The following NFIA variants were observed in gnomAD, a reference collection of about 807,000 sequenced individuals.
NFIA encodes nuclear factor 1 A-type.
In NFIA, 8 loss-of-function variants were observed where a neutral mutation model predicts 62.8. That is an observed-to-expected ratio of 0.13 (90% CI 0.07 to 0.23). The LOEUF (loss-of-function observed/expected upper bound fraction) is 0.23. Among genes scored for constraint, NFIA ranks in the 10% least tolerant of loss-of-function variants. The pLI is 1.00. For missense variants in NFIA, 410 were observed against 642.1 expected (o/e 0.64, Z 3.91); for synonymous variants, 235 against 238.1 (o/e 0.99, Z 0.12).
intron 2 of NFIA, among the ~76,000 whole-genome samples, chr1:61,175,138 A>G (rs891249823): frequency 4.6e-5 from 7 of 151,364 alleles, no homozygotes; most frequent in Non-Finnish European, 8.8e-5. Context: ...GATTATTATT[A>G]TTATTATTAT....
chr1:61,456,778 A>G lies in NFIA; in HGVS notation c.*1458A>G, dbSNP rs942864134. 3.8e-4 allele frequency: 57 copies of G among 149,480 alleles called. 1 individual carries two copies. Among genetic ancestry groups the G allele is most frequent in the African/African-American group, 1.4e-3 (56 of 40,608 alleles). The allele number at this position is 149,480 out of a possible 1,614,324, so 9.3% of individuals were successfully genotyped here. On this transcript the variant is annotated 3_prime_UTR_variant, in exon 11 of 11. Coordinates refer to ENST00000403491, the MANE Select transcript of NFIA (RefSeq NM_001134673.4). ...AAAAAAAAAAAAGTTTGCACCCCCA[A>G]ACGTCCTGTATCTTATGAAAAAAAA...
chr1:61,330,437 C>CA lies in NFIA; in HGVS notation c.626-2075_626-2074insA, dbSNP rs372893731. The stretch of plus-strand genomic sequence containing the variant: ...TAAAATAACTTAGGAAATAGATACA[C>CA]CCCCCCCACACACACACACACACGC... On this transcript the variant is annotated intron_variant, in intron 3 of 10. Coordinates refer to ENST00000403491, the MANE Select transcript of NFIA (RefSeq NM_001134673.4). Among the ~76,000 whole-genome samples, 36 of 54,994 alleles carry CA rather than the reference C, an allele frequency of 6.5e-4. 1 individual carries two copies. The highest frequency in any genetic ancestry group is 2.2e-3 in the African/African-American group (30 of 13,630). The allele number at this position is 54,994 out of a possible 152,430, so 36.1% of individuals were successfully genotyped here. A position where few individuals can be genotyped will look rare whatever the true frequency, so the allele number is the denominator to read the frequency against.
At chr1:61,198,704 C>G (rs1373211500) in intron 2 of NFIA, among the ~76,000 whole-genome samples, 1 of 152,150 alleles carries the variant, frequency 6.6e-6, no homozygotes, top group African/African-American at 2.4e-5. Context: ...AGAGCACTTT[C>G]CAGGCATGCT....
intron 2 of NFIA, among the ~76,000 whole-genome samples, chr1:61,195,171 G>A (rs1651906065): frequency 6.6e-6 from 1 of 152,042 alleles, no homozygotes; most frequent in African/African-American, 2.4e-5. Flanking sequence ...ACAGTTGCAG[G>A]GATTCTTGGT....
At chr1:61,123,002 T>C (rs1041160478) in intron 2 of NFIA, among the ~76,000 whole-genome samples, 1 of 152,236 alleles carries the variant, frequency 6.6e-6, no homozygotes, top group African/African-American at 2.4e-5. Context: ...TTTTGGATTC[T>C]TCTAGAGAGA....
intron 7 of NFIA, among the ~76,000 whole-genome samples, chr1:61,390,463 TTC>T (rs940613855): frequency 2.0e-5 from 3 of 152,140 alleles, no homozygotes; most frequent in African/African-American, 7.2e-5. Flanking sequence ...TCATTCCAGT[TTC>T]TGTTTGGAGA....
chr1:61,115,892 A>C (rs1440922338), intron 2 of NFIA, among the ~76,000 whole-genome samples: 1 of 152,126 alleles, frequency 6.6e-6, no homozygotes, highest in Non-Finnish European at 1.5e-5. Context: ...TAAAGTATGA[A>C]ACTTTTGAAA....
chr1:61,084,862 CT>C (rs910398402), intron 1 of NFIA, among the ~76,000 whole-genome samples: 1 of 144,876 alleles, frequency 6.9e-6, no homozygotes, highest in East Asian at 2.0e-4. Context: ...TTTTTTTTTT[CT>C]TTTTTTTTCG....
intron 7 of NFIA, among the ~76,000 whole-genome samples, chr1:61,388,682 A>T (rs1246617268): frequency 6.6e-6 from 1 of 152,246 alleles, no homozygotes; most frequent in Admixed American, 6.5e-5. Context: ...ATTGAAAGTA[A>T]TTGAAAGAGT....
In NFIA at chr1:61,404,115, G is replaced by GCAACAC. The variant is rs1484769863; in HGVS notation, c.1090_1095dup (p.Thr364_Pro365dup). ...TTCTTTTCCTGCAGCAAGTCCGCAT[G>GCAACAC]CAACACCATCGACTCTTCATTTCCC... is the stretch of plus-strand genomic sequence containing the variant. On this transcript the variant is annotated inframe_insertion, in exon 8 of 11. Transcript: ENST00000403491. The GCAACAC allele has an allele frequency of 1.2e-6, 2 of 1,613,896 alleles. No homozygotes were observed. Among genetic ancestry groups the GCAACAC allele is most frequent in the East Asian group, 4.5e-5 (2 of 44,880 alleles).
At chr1:61,433,300 G>C (rs1257649104) in intron 10 of NFIA, among the ~76,000 whole-genome samples, 1 of 152,146 alleles carries the variant, frequency 6.6e-6, no homozygotes, top group Non-Finnish European at 1.5e-5. Flanking sequence ...CTTTACTAAT[G>C]ATATTAGTCT....
chr1:61,088,120 T>TA lies in NFIA; in HGVS notation c.28-28dup. The TA allele has an allele frequency of 6.4e-7, 1 of 1,558,516 alleles. No homozygotes were observed. The highest frequency in any genetic ancestry group is 8.6e-7 in the Non-Finnish European group (1 of 1,157,100). On this transcript the variant is annotated intron_variant, in intron 1 of 10. Transcript: ENST00000403491. The surrounding 1 kb of genome is among the most constrained non-coding windows in gnomAD (Gnocchi z 4.5). The stretch of plus-strand genomic sequence containing the variant: ...TGTTTTCTTTTGTTTTCATTCTACT[T>TA]ATATTTTTCTTTTTGTTCATTTTCC...
At chr1:61,431,594 C>T (rs1667098488) in intron 10 of NFIA, among the ~76,000 whole-genome samples, 1 of 152,244 alleles carries the variant, frequency 6.6e-6, no homozygotes, top group Non-Finnish European at 1.5e-5. Context: ...ATAACCTTTG[C>T]TTAATAAATC....
At chr1:61,212,193 T>C (rs1447925317) in intron 2 of NFIA, among the ~76,000 whole-genome samples, 1 of 152,104 alleles carries the variant, frequency 6.6e-6, no homozygotes, top group African/African-American at 2.4e-5. Context: ...AGGGCACAGG[T>C]GGGGCAGAAC....
chr1:61,327,538 T>G (rs540413539), intron 3 of NFIA, among the ~76,000 whole-genome samples: 9 of 152,254 alleles, frequency 5.9e-5, no homozygotes, highest in African/African-American at 1.9e-4. Flanking sequence ...CTGAGTTACT[T>G]CACTTAGAAT....
intron 2 of NFIA, among the ~76,000 whole-genome samples, chr1:61,216,798 G>A (rs1482983300): frequency 2.0e-5 from 3 of 151,966 alleles, no homozygotes; most frequent in Non-Finnish European, 4.4e-5. Flanking sequence ...TCAGGAGTTC[G>A]AGACCAGTCT....
chr1:61,308,120 A>G (rs1376526652), intron 3 of NFIA, among the ~76,000 whole-genome samples: 1 of 152,198 alleles, frequency 6.6e-6, no homozygotes, highest in East Asian at 1.9e-4. Context: ...ACCTGGTAGT[A>G]CTTGGATTTA....
intron 2 of NFIA, among the ~76,000 whole-genome samples, chr1:61,113,621 A>C (rs1646745350): frequency 6.7e-6 from 1 of 150,144 alleles, no homozygotes; most frequent in South Asian, 2.1e-4. Context: ...AAAAAAGAGA[A>C]TATGTTTGGT....
At chr1:61,239,222 A>G (rs1655186959) in intron 2 of NFIA, among the ~76,000 whole-genome samples, 1 of 152,178 alleles carries the variant, frequency 6.6e-6, no homozygotes, top group Non-Finnish European at 1.5e-5. Context: ...TAGAATGGCA[A>G]TATCACGAAG....
Sources: gnomAD v4.1 joint callset for allele counts (sites outside exome capture counted in the v4.1 genomes callset) on GRCh38, gnomAD v4.1.1 for gene constraint, Gnocchi (gnomAD v3.1) non-coding constraint, MANE v1.5 for transcripts, NCBI Gene and HGNC (gene_info 2026-07-23, HGNC 2026-07-21) for gene names.